Variants in VPS13D observed in about 807,000 individuals in gnomAD.
VPS13D encodes the protein intermembrane lipid transfer protein VPS13D.
VPS13D carries 187 observed loss-of-function variants against 461.9 expected under a neutral mutation model. The ratio of observed to expected loss-of-function variants is 0.40; its 90% CI spans 0.36 to 0.46. The LOEUF is 0.46. VPS13D is among the 20% of genes least tolerant of loss of function. The pLI is 0.60. For synonymous variants in VPS13D, 1,951 were observed against 1,986.3 expected, an observed-to-expected ratio of 0.98 and a Z score of 0.47; for missense variants, 4,711 against 5,364.9, an observed-to-expected ratio of 0.88 and a Z score of 3.81.
chr1:12,408,637 T>C (rs1236872776), intron 63 of VPS13D, among the ~76,000 whole-genome samples: 3 of 152,232 alleles, frequency 2.0e-5, no homozygotes, highest in Admixed American at 1.3e-4. Context: ...AGTGCTGGGA[T>C]TACAGGCATG....
chr1:12,331,776 C>G (rs1643340290), intron 37 of VPS13D, among the ~76,000 whole-genome samples: 1 of 148,206 alleles, frequency 6.7e-6, no homozygotes, highest in African/African-American at 2.5e-5. Flanking sequence ...GAAACTCTTG[C>G]ATGTGGGAGC....
At chr1:12,420,408 C>G (rs930532220) in intron 65 of VPS13D, among the ~76,000 whole-genome samples, 3 of 152,124 alleles carry the variant, frequency 2.0e-5, no homozygotes, top group Non-Finnish European at 4.4e-5. Context: ...TGCCTGAGTT[C>G]CAGTGATTAA....
chr1:12,384,963 C>G (rs1017876363), intron 58 of VPS13D, among the ~76,000 whole-genome samples: 10 of 152,096 alleles, frequency 6.6e-5, no homozygotes, highest in Admixed American at 3.3e-4. Context: ...AAAATGAATG[C>G]AGTGATCTTG....
intron 46 of VPS13D, among the ~76,000 whole-genome samples, chr1:12,350,328 T>C (rs1400692000): frequency 6.6e-6 from 1 of 152,176 alleles, no homozygotes; most frequent in Non-Finnish European, 1.5e-5. Flanking sequence ...ACAGAATGTA[T>C]TTCCTGATCA....
intron 42 of VPS13D, 109 bp from the exon 43 acceptor site, chr1:12,345,265 A>AACTGGGTTTTTACATCATATGT: frequency 7.4e-7 from 1 of 1,343,354 alleles, no homozygotes; most frequent in Non-Finnish European, 1.0e-6. Flanking sequence ...AGGTTTAGCC[A>AACTGGGTTTTTACATCATATGT]ACTGGGTTTT....
chr1:12,248,765 C>T (rs1211975470), intron 5 of VPS13D, among the ~76,000 whole-genome samples: 2 of 152,104 alleles, frequency 1.3e-5, no homozygotes, highest in African/African-American at 2.4e-5. Flanking sequence ...TTCCTTGGTC[C>T]AGATGTGGGG....
chr1:12,339,013 A>AT (rs201341602), intron 40 of VPS13D, among the ~76,000 whole-genome samples: 335 of 152,170 alleles, frequency 2.2e-3, no homozygotes, highest in East Asian at 0.017. Context: ...ATTCGTCATG[A>AT]TTTTTTTAAA....
chr1:12,357,150 C>T (rs932682750), intron 49 of VPS13D, among the ~76,000 whole-genome samples: 2 of 152,162 alleles, frequency 1.3e-5, no homozygotes, highest in African/African-American at 4.8e-5. Context: ...TTTAATAGAG[C>T]TCTAATCAAA....
chr1:12,449,850 C>G (rs1645239114), intron 65 of VPS13D, among the ~76,000 whole-genome samples: 1 of 152,204 alleles, frequency 6.6e-6, no homozygotes, highest in South Asian at 2.1e-4. Flanking sequence ...GCAGGCCAGG[C>G]TCGGTGGCTT....
intron 68 of VPS13D, chr1:12,500,224 A>G: frequency 1.4e-5 from 14 of 984,310 alleles, no homozygotes; most frequent in Non-Finnish European, 1.7e-5. Context: ...CCAACGTATG[A>G]TTTCTGGTCT....
intron 49 of VPS13D, 118 bp downstream of exon 49, chr1:12,356,642 G>T (rs1643888140): frequency 5.2e-6 from 7 of 1,345,778 alleles, no homozygotes; most frequent in Non-Finnish European, 6.9e-6. Context: ...TCCTGACTTG[G>T]CAGGGGAATA....
intron 65 of VPS13D, among the ~76,000 whole-genome samples, chr1:12,442,737 A>G (rs1194884184): frequency 2.0e-5 from 3 of 152,046 alleles, no homozygotes; most frequent in African/African-American, 7.2e-5. Context: ...AACTGAGACT[A>G]CAGGTGCATG....
chr1:12,248,472 A>G (rs1367924974), intron 5 of VPS13D, among the ~76,000 whole-genome samples: 2 of 152,072 alleles, frequency 1.3e-5, no homozygotes, highest in Non-Finnish European at 2.9e-5. Context: ...CCTCCTGAGT[A>G]GCTGAGACTG....
In VPS13D at chr1:12,390,329, C is replaced by G. The variant is rs548996208; in HGVS notation, c.11634+3995C>G. On this transcript the variant is annotated intron_variant, in intron 60 of 69. Transcript: ENST00000620676. ...AGAACTTTGCCCCAGCTATTATCAT[C>G]TAGTTGGCATTGTAATTGTGATTTC... is the stretch of plus-strand genomic sequence containing the variant. Among the ~76,000 whole-genome samples, 4 of 152,246 alleles carry G rather than the reference C, an allele frequency of 2.6e-5. No homozygotes were observed. In the East Asian group the frequency reaches 7.7e-4, roughly 29 times the overall value.
intron 67 of VPS13D, among the ~76,000 whole-genome samples, chr1:12,486,457 A>C (rs1645798108): frequency 6.6e-6 from 1 of 152,180 alleles, no homozygotes; most frequent in Non-Finnish European, 1.5e-5. Context: ...TGAGCTGTTT[A>C]AGTGCTGAGT....
intron 60 of VPS13D, among the ~76,000 whole-genome samples, chr1:12,399,601 C>G (rs1644546995): frequency 6.6e-6 from 1 of 151,892 alleles, no homozygotes; most frequent in Admixed American, 6.6e-5. Flanking sequence ...GGGCAGATCA[C>G]CTGAGGTCAG....
intron 62 of VPS13D, among the ~76,000 whole-genome samples, chr1:12,402,309 CT>C (rs1644592050): frequency 1.3e-5 from 2 of 152,174 alleles, no homozygotes; most frequent in African/African-American, 4.8e-5. Context: ...GCTGTTGCTT[CT>C]TTTCGATTCC....
rs761402504 is a variant in VPS13D, at chr1:12,242,608, A to G, written c.175+18A>G. 4 of 1,608,650 alleles carry G rather than the reference A, an allele frequency of 2.5e-6. No homozygotes were observed. Among genetic ancestry groups the G allele is most frequent in the Non-Finnish European group, 3.4e-6 (4 of 1,175,334 alleles). ...CAAAGCTGGTATGTGGAACTAAAGG[A>G]GGGGGAAGAAATTTGAGTCTTAAAT... On this transcript the variant is annotated intron_variant, in intron 3 of 69. Coordinates refer to ENST00000620676, the MANE Select transcript of VPS13D (RefSeq NM_015378.4).
At chr1:12,307,732 T>C (rs1188490704) in intron 26 of VPS13D, among the ~76,000 whole-genome samples, 1 of 152,182 alleles carries the variant, frequency 6.6e-6, no homozygotes, top group African/African-American at 2.4e-5. Flanking sequence ...CCTCAGGTGA[T>C]CCACCTGCCT....
Sources: gnomAD v4.1 joint callset for allele counts (sites outside exome capture counted in the v4.1 genomes callset) on GRCh38, gnomAD v4.1.1 for gene constraint, MANE v1.5 for transcripts, NCBI Gene and HGNC (gene_info 2026-07-23, HGNC 2026-07-21) for gene names.